Variants in RIMBP2 observed in about 807,000 individuals in gnomAD.
The protein encoded by RIMBP2 is RIMS-binding protein 2.
A neutral mutation model predicts 118.6 loss-of-function variants in RIMBP2; 48 were observed. The observed-to-expected ratio is 0.40, with a 90% CI of 0.32 to 0.51. The LOEUF (loss-of-function observed/expected upper bound fraction) is 0.51, where lower values mean the gene tolerates loss of function less well. Among genes scored for constraint, RIMBP2 ranks in the 20% least tolerant of loss-of-function variants. The probability of loss-of-function intolerance (pLI) is 0.41; values close to 1 mark genes in which losing one functional copy is unlikely to be tolerated. For synonymous variants in RIMBP2, 762 were observed against 742.9 expected, an observed-to-expected ratio of 1.03 and a Z score of -0.42; for missense variants, 1,551 against 1,768.3, an observed-to-expected ratio of 0.88 and a Z score of 2.20.
chr12:130,567,230 G>A (rs192377475), intron 2 of RIMBP2, among the ~76,000 whole-genome samples: 8 of 152,298 alleles, frequency 5.3e-5, no homozygotes, highest in Admixed American at 5.2e-4. Flanking sequence ...TTCAGAAGAA[G>A]CAACCGTGGA....
At chr12:130,592,617 C>T (rs1301423878) in intron 2 of RIMBP2, among the ~76,000 whole-genome samples, 1 of 150,782 alleles carries the variant, frequency 6.6e-6, no homozygotes, top group East Asian at 1.9e-4. Flanking sequence ...TCAACCCGGA[C>T]GGCAGAGGTT....
At chr12:130,468,782 G>C (rs2080743659) in intron 6 of RIMBP2, among the ~76,000 whole-genome samples, 1 of 152,192 alleles carries the variant, frequency 6.6e-6, no homozygotes, top group African/African-American at 2.4e-5. Context: ...TCTGGCCCAA[G>C]GATAGAATCA....
chr12:130,666,022 G>C (rs1285292435), intron 1 of RIMBP2, among the ~76,000 whole-genome samples: 1 of 152,186 alleles, frequency 6.6e-6, no homozygotes, highest in African/African-American at 2.4e-5. Context: ...GTAGATAAGA[G>C]AGAAAGACAA....
chr12:130,564,655 G>C (rs2057083814), intron 2 of RIMBP2, among the ~76,000 whole-genome samples: 1 of 152,208 alleles, frequency 6.6e-6, no homozygotes, highest in African/African-American at 2.4e-5. Context: ...GCCAGTTGCA[G>C]AAGGACAAAT....
intron 2 of RIMBP2, among the ~76,000 whole-genome samples, chr12:130,519,837 C>T (rs2051888674): frequency 1.3e-5 from 2 of 152,208 alleles, no homozygotes; most frequent in Admixed American, 1.3e-4. Context: ...GGCCTCTCTG[C>T]ACTCTCTGTG....
chr12:130,686,208 T>C (rs753145131), intron 1 of RIMBP2, among the ~76,000 whole-genome samples: 29 of 152,152 alleles, frequency 1.9e-4, no homozygotes, highest in Non-Finnish European at 4.0e-4. Context: ...AGGGATCAGT[T>C]ACAATAAAAC....
chr12:130,676,372 A>C (rs1024934379), intron 1 of RIMBP2, among the ~76,000 whole-genome samples: 187 of 151,158 alleles, frequency 1.2e-3, no homozygotes, highest in Admixed American at 2.5e-3. Context: ...CGCCTGTAAC[A>C]CCAGCACTTT....
At position 130,591,291 on chromosome 12, in the gene RIMBP2, T is replaced by A. The variant is rs1399718124; in HGVS notation, c.-217+37031A>T. ...TGTACAGAGTCATTATTTTTTTAGA[T>A]CTTGCAGGCTAGACTGTCCCTGTCG... On this transcript the variant is annotated intron_variant, in intron 2 of 22. Coordinates refer to ENST00000690449, the MANE Select transcript of RIMBP2 (RefSeq NM_001393629.1). 2.0e-5 allele frequency among the ~76,000 whole-genome samples: 3 copies of A among 152,306 alleles called. No homozygotes were observed. In the East Asian group the frequency reaches 5.8e-4, roughly 29 times the overall value.
intron 2 of RIMBP2, among the ~76,000 whole-genome samples, chr12:130,538,383 C>T (rs774751344): frequency 2.0e-5 from 3 of 152,070 alleles, no homozygotes; most frequent in Non-Finnish European, 2.9e-5. Flanking sequence ...GTCCTTGGTC[C>T]TCACTGCCCT....
chr12:130,544,744 C>T (rs1174725604), intron 2 of RIMBP2, among the ~76,000 whole-genome samples: 4 of 151,908 alleles, frequency 2.6e-5, no homozygotes, highest in Admixed American at 1.3e-4. Flanking sequence ...GGATTACAGG[C>T]ATGTACCACC....
intron 1 of RIMBP2, among the ~76,000 whole-genome samples, chr12:130,633,144 A>T (rs2062108532): frequency 6.6e-6 from 1 of 152,262 alleles, no homozygotes; most frequent in African/African-American, 2.4e-5. Context: ...TTTGCTGTAT[A>T]TTTCAACTAA....
intron 2 of RIMBP2, among the ~76,000 whole-genome samples, chr12:130,543,067 G>A (rs753864306): frequency 1.3e-5 from 2 of 152,206 alleles, no homozygotes; most frequent in African/African-American, 2.4e-5. Flanking sequence ...GAGAAGGTAT[G>A]TGCTTGTAGT....
intron 2 of RIMBP2, among the ~76,000 whole-genome samples, chr12:130,531,530 G>T (rs1354707744): frequency 6.6e-6 from 1 of 152,158 alleles, no homozygotes; most frequent in Non-Finnish European, 1.5e-5. Flanking sequence ...GTATCCTCTT[G>T]TATAAATAAT....
intron 2 of RIMBP2, 102 bp downstream of exon 2, chr12:130,628,220 G>A (rs909785753): frequency 3.3e-5 from 5 of 152,160 alleles, no homozygotes; most frequent in Admixed American, 1.3e-4. Flanking sequence ...GTTGGCACTC[G>A]ATAAATATGC....
intron 1 of RIMBP2, among the ~76,000 whole-genome samples, chr12:130,690,241 A>G (rs1437694053): frequency 2.0e-5 from 3 of 152,076 alleles, no homozygotes; most frequent in African/African-American, 7.2e-5. Context: ...CTCAGGGCCC[A>G]CCATGCCCTG....
At chr12:130,624,244 CAG>C (rs987551575) in intron 2 of RIMBP2, among the ~76,000 whole-genome samples, 4 of 152,300 alleles carry the variant, frequency 2.6e-5, no homozygotes, top group African/African-American at 9.6e-5. Flanking sequence ...AATTATAGGA[CAG>C]AGTTTCACAT....
Position 130,583,189 on chromosome 12 carries a change from C to A in RIMBP2, c.-217+45133G>T, listed in dbSNP as rs149884542. Among the ~76,000 whole-genome samples, 210 of 152,290 alleles carry A rather than the reference C, an allele frequency of 1.4e-3. 1 individual carries two copies. Among genetic ancestry groups the A allele is most frequent in the Non-Finnish European group, 1.8e-3 (121 of 68,016 alleles). Reference sequence around the variant, plus strand: ...GCAAGCAAAGGCAAGGCCCAACACTCTATGTTGTGTGGCCTTTGGGATGTG... The same window carrying A: ...GCAAGCAAAGGCAAGGCCCAACACTATATGTTGTGTGGCCTTTGGGATGTG... On this transcript the variant is annotated intron_variant, in intron 2 of 22. Coordinates refer to ENST00000690449, the MANE Select transcript of RIMBP2 (RefSeq NM_001393629.1).
At chr12:130,587,262 T>C (rs1231531613) in intron 2 of RIMBP2, among the ~76,000 whole-genome samples, 4 of 123,684 alleles carry the variant, frequency 3.2e-5, no homozygotes, top group Non-Finnish European at 6.7e-5. Flanking sequence ...ATTGTGGAAG[T>C]CAGTGTGGCG....
chr12:130,617,270 G>T lies in RIMBP2; in HGVS notation c.-217+11052C>A, dbSNP rs74621261. On this transcript the variant is annotated intron_variant, in intron 2 of 22. Coordinates refer to ENST00000690449, the MANE Select transcript of RIMBP2 (RefSeq NM_001393629.1). This position sits in a 1 kb window ranked among gnomAD's most constrained non-coding sequence, Gnocchi z 4.6. ...CTAGAGCCCAGGCCCACGCCCTGCA[G>T]CTGGGAGCTGCTGGACCAGGCTTAG... is the stretch of plus-strand genomic sequence containing the variant. 5.3e-5 allele frequency among the ~76,000 whole-genome samples: 8 copies of T among 151,330 alleles called. No individual in the cohort carries two copies. The East Asian group carries it at 1.2e-3, about 23-fold the overall frequency.
Sources: allele counts gnomAD v4.1 joint callset (sites outside exome capture counted in the v4.1 genomes callset), GRCh38; gene constraint gnomAD v4.1.1; non-coding constraint Gnocchi (gnomAD v3.1); transcripts MANE v1.5; gene names NCBI Gene and HGNC (gene_info 2026-07-23, HGNC 2026-07-21).